SSUH2: variants seen among roughly 807,000 people sequenced by gnomAD.
SSUH2 encodes protein SSUH2 homolog.
SSUH2 carries 47 observed loss-of-function variants against 55.3 expected under a neutral mutation model. The ratio of observed to expected loss-of-function variants is 0.85; its 90% CI spans 0.67 to 1.08. The LOEUF is 1.08. Among genes scored for constraint, SSUH2 ranks in the 50% least tolerant of loss-of-function variants. The pLI is 0.00. For synonymous variants in SSUH2, 212 were observed against 191.5 expected (o/e 1.11, Z -0.89); for missense variants, 535 against 490.7 (o/e 1.09, Z -0.85).
At chr3:8,680,020 G>A (rs116095876) in intron 1 of SSUH2, among the ~76,000 whole-genome samples, 2,676 of 151,758 alleles carry the variant, frequency 0.018, 43 homozygotes, top group Non-Finnish European at 0.025. Flanking sequence ...CATGAGTTAA[G>A]GGAAAAACTT....
At position 8,634,328 on chromosome 3, in the gene SSUH2, T is replaced by C. The variant is rs538829666; in HGVS notation, c.210-533A>G. 2.7e-5 allele frequency: 33 copies of C among 1,220,330 alleles called. No homozygotes were observed. In the African/African-American group the frequency reaches 4.9e-4, roughly 18 times the overall value. The allele number at this position is 1,220,330 out of a possible 1,614,324, so 75.6% of individuals were successfully genotyped here. A position where few individuals can be genotyped will look rare whatever the true frequency, so the allele number is the denominator to read the frequency against. On this transcript the variant is annotated intron_variant, in intron 3 of 11. Coordinates refer to ENST00000544814, the MANE Select transcript of SSUH2 (RefSeq NM_001256748.3). ...GGGACGACAGACAGGGACCCTAACC[T>C]CGGCCCTCTTTCTGCATGCCTCCCC...
chr3:8,680,287 C>G (rs549759436), intron 1 of SSUH2, among the ~76,000 whole-genome samples: 1 of 152,178 alleles, frequency 6.6e-6, no homozygotes, highest in Non-Finnish European at 1.5e-5. Flanking sequence ...TAAAGGCCCC[C>G]CATGCTGTGG....
At chr3:8,673,731 G>A (rs992518925) in intron 3 of SSUH2, among the ~76,000 whole-genome samples, 8 of 152,170 alleles carry the variant, frequency 5.3e-5, no homozygotes, top group African/African-American at 1.9e-4. Context: ...CCAAGAGTAT[G>A]GAAGGACTCA....
chr3:8,625,712 A>T lies in SSUH2; in HGVS notation c.768-65T>A. 2.6e-6 allele frequency: 3 copies of T among 1,141,350 alleles called. No individual in the cohort carries two copies. The South Asian group carries it at 3.8e-5, about 14-fold the overall frequency. 70.7% of individuals were successfully genotyped at this position (1,141,350 alleles called of 1,614,324 possible). On this transcript the variant is annotated intron_variant, in intron 9 of 11. Coordinates refer to ENST00000544814, the MANE Select transcript of SSUH2 (RefSeq NM_001256748.3). The stretch of plus-strand genomic sequence containing the variant: ...GGCAGGTTAAAAGCATGGCCTTTGC[A>T]ATCAGACAGACCTGGGGTTGAGGGC...
In SSUH2 at chr3:8,681,334, C is replaced by T. The variant is rs76367358; in HGVS notation, c.-1046+557G>A. 8.0e-3 allele frequency among the ~76,000 whole-genome samples: 1,198 copies of T among 150,420 alleles called. 16 individuals carry two copies. The highest frequency in any genetic ancestry group is 0.028 in the African/African-American group (1,125 of 40,892). On this transcript the variant is annotated intron_variant, in intron 1 of 18. Transcript: ENST00000317371. ...CACCATCGCGGGGGTGGAGGCACCC[C>T]CCGCGGCTCGGGGACTGAGAGCCAG...
intron 4 of SSUH2, among the ~76,000 whole-genome samples, chr3:8,632,361 T>C (rs763026395): frequency 1.3e-4 from 20 of 152,216 alleles, no homozygotes; most frequent in Non-Finnish European, 2.4e-4. Context: ...CAGTTCCCCA[T>C]GAATTTATAC....
At chr3:8,639,968 T>C in intron 1 of SSUH2, 1 of 985,450 alleles carries the variant, frequency 1.0e-6, no homozygotes, top group East Asian at 1.1e-4. Flanking sequence ...GTATTGTCGA[T>C]ATGCACAAAT....
intron 9 of SSUH2, among the ~76,000 whole-genome samples, chr3:8,625,903 C>T (rs564608931): frequency 6.6e-6 from 1 of 152,346 alleles, no homozygotes; most frequent in African/African-American, 2.4e-5. Flanking sequence ...CAGGAGAAAC[C>T]TTTAATGCAC....
At chr3:8,635,402 G>C in intron 2 of SSUH2, 21 bp from the exon 3 acceptor site, 1 of 1,516,698 alleles carries the variant, frequency 6.6e-7, no homozygotes, top group Non-Finnish European at 8.9e-7. Flanking sequence ...GAAGAGTCAG[G>C]GGCTGGACAG....
chr3:8,645,192 C>T (rs546295909), upstream of SSUH2, among the ~76,000 whole-genome samples: 74 of 152,316 alleles, frequency 4.9e-4, no homozygotes, highest in Admixed American at 8.5e-4. Context: ...AAGGTCATAA[C>T]CACAAGAAGG....
upstream of SSUH2, among the ~76,000 whole-genome samples, chr3:8,645,071 T>C (rs540505722): frequency 3.8e-4 from 58 of 152,316 alleles, no homozygotes; most frequent in African/African-American, 1.3e-3. Flanking sequence ...AGCAGGATGA[T>C]AGATTCAAAC....
intron 3 of SSUH2, among the ~76,000 whole-genome samples, chr3:8,674,533 C>G (rs940233254): frequency 6.6e-6 from 1 of 152,146 alleles, no homozygotes; most frequent in Non-Finnish European, 1.5e-5. Context: ...GCCCCGGTCA[C>G]CCCCTTATCC....
chr3:8,623,859 T>A (rs2125094788), intron 10 of SSUH2, among the ~76,000 whole-genome samples: 1 of 152,282 alleles, frequency 6.6e-6, no homozygotes, highest in Admixed American at 6.5e-5. Flanking sequence ...TGCAGCCCAC[T>A]GGATACCCCA....
In SSUH2 at chr3:8,678,528, A is replaced by G. The variant is rs1229667566; in HGVS notation, c.-900-1175T>C. ...CCCCGCGAGGCGGGGACTGAGAGCC[A>G]GCCCCTCTTCCCTCCATGGCTCTTA... On this transcript the variant is annotated intron_variant, in intron 2 of 18. Coordinates refer to the SSUH2 transcript ENST00000317371. Among the ~76,000 whole-genome samples the G allele has an allele frequency of 1.6e-5, 2 of 128,302 alleles. 1 individual carries two copies. Among genetic ancestry groups the G allele is most frequent in the Non-Finnish European group, 3.5e-5 (2 of 56,830 alleles). The allele number at this position is 128,302 out of a possible 152,430, so 84.2% of individuals were successfully genotyped here. A position where few individuals can be genotyped will look rare whatever the true frequency, so the allele number is the denominator to read the frequency against.
chr3:8,681,668 G>T (rs757580907), intron 1 of SSUH2, among the ~76,000 whole-genome samples: 69 of 148,968 alleles, frequency 4.6e-4, no homozygotes, highest in Non-Finnish European at 8.7e-4. Flanking sequence ...GGGACTGAAA[G>T]TCAGCCCCTC....
At chr3:8,622,900 T>C (rs969530913) in intron 11 of SSUH2, among the ~76,000 whole-genome samples, 4 of 152,158 alleles carry the variant, frequency 2.6e-5, no homozygotes, top group Admixed American at 6.5e-5. Context: ...CAGGATCATG[T>C]TGGGATGCAG....
chr3:8,681,675 C>G (rs1003046808), intron 1 of SSUH2, among the ~76,000 whole-genome samples: 1 of 151,066 alleles, frequency 6.6e-6, no homozygotes, highest in Admixed American at 6.6e-5. Flanking sequence ...AAAGTCAGCC[C>G]CTCTTCCCCC....
intron 11 of SSUH2, among the ~76,000 whole-genome samples, chr3:8,623,175 T>G (rs62242357): frequency 0.12 from 18,405 of 152,252 alleles, 1,437 homozygotes; most frequent in Non-Finnish European, 0.16. Flanking sequence ...GCCAGGGGCC[T>G]CAGGGGCAAG....
At chr3:8,632,981 G>A (rs1699109942) in intron 4 of SSUH2, among the ~76,000 whole-genome samples, 1 of 152,104 alleles carries the variant, frequency 6.6e-6, no homozygotes, top group African/African-American at 2.4e-5. Context: ...ATCTTCTTGG[G>A]AAAATCACTT....
Sources: gnomAD v4.1 joint callset for allele counts (sites outside exome capture counted in the v4.1 genomes callset) on GRCh38, gnomAD v4.1.1 for gene constraint, MANE v1.5 for transcripts, NCBI Gene and HGNC (gene_info 2026-07-23, HGNC 2026-07-21) for gene names.